The following HS6ST3 variants were observed in gnomAD, a reference collection of about 807,000 sequenced individuals.
The protein encoded by HS6ST3 is heparan-sulfate 6-O-sulfotransferase 3.
HS6ST3 carries 12 observed loss-of-function variants against 36.7 expected under a neutral mutation model. That is an observed-to-expected ratio of 0.33 (90% CI 0.21 to 0.53). HS6ST3 has a LOEUF of 0.53. HS6ST3 is among the 20% of genes least tolerant of loss of function. The pLI, the probability that HS6ST3 is intolerant of heterozygous loss-of-function variation, is 0.95. For synonymous variants in HS6ST3, 240 were observed against 257.5 expected, an observed-to-expected ratio of 0.93 and a Z score of 0.65; for missense variants, 584 against 640.9, an observed-to-expected ratio of 0.91 and a Z score of 0.96.
At chr13:96,577,625 T>C (rs558776098) in intron 1 of HS6ST3, among the ~76,000 whole-genome samples, 5 of 152,252 alleles carry the variant, frequency 3.3e-5, no homozygotes, top group Admixed American at 2.0e-4. Context: ...ATACAGTATC[T>C]ACAAGGAACT....
intron 1 of HS6ST3, among the ~76,000 whole-genome samples, chr13:96,435,351 T>A (rs2055636382): frequency 6.6e-6 from 1 of 152,186 alleles, no homozygotes; most frequent in Non-Finnish European, 1.5e-5. Context: ...TCTGTATGTA[T>A]TTTTTTCATG....
intron 1 of HS6ST3, among the ~76,000 whole-genome samples, chr13:96,682,704 A>G (rs1257203198): frequency 6.6e-6 from 1 of 152,100 alleles, no homozygotes. Context: ...AAAGGCCAGT[A>G]AGGAAAGAAG....
intron 1 of HS6ST3, among the ~76,000 whole-genome samples, chr13:96,560,886 G>T (rs1461686310): frequency 6.6e-6 from 1 of 152,072 alleles, no homozygotes; most frequent in East Asian, 1.9e-4. Context: ...AGAAATCATA[G>T]ATTACCCAAA....
At chr13:96,096,264 A>G (rs2053790373) in intron 1 of HS6ST3, among the ~76,000 whole-genome samples, 1 of 152,196 alleles carries the variant, frequency 6.6e-6, no homozygotes, top group Admixed American at 6.5e-5. Flanking sequence ...AACTAGGATA[A>G]GAACTGATGG....
At chr13:96,122,695 A>G (rs553445064) in intron 1 of HS6ST3, among the ~76,000 whole-genome samples, 3 of 152,196 alleles carry the variant, frequency 2.0e-5, no homozygotes, top group Admixed American at 6.5e-5. Flanking sequence ...GACAACCTGA[A>G]TGCTGGGTTA....
chr13:96,375,131 C>T (rs1009413424), intron 1 of HS6ST3, among the ~76,000 whole-genome samples: 1 of 152,120 alleles, frequency 6.6e-6, no homozygotes, highest in African/African-American at 2.4e-5. Flanking sequence ...TCCCTCTGCT[C>T]AGCACACCTT....
intron 1 of HS6ST3, among the ~76,000 whole-genome samples, chr13:96,699,706 T>C (rs989777584): frequency 4.6e-5 from 7 of 152,212 alleles, no homozygotes; most frequent in African/African-American, 1.2e-4. Context: ...GGATCTAGAA[T>C]TAGAAATACC....
At chr13:96,562,295 G>GT (rs1287162833) in intron 1 of HS6ST3, among the ~76,000 whole-genome samples, 1 of 152,096 alleles carries the variant, frequency 6.6e-6, no homozygotes, top group Non-Finnish European at 1.5e-5. Context: ...AATACTTCAT[G>GT]TTCTCACTTA....
At chr13:96,409,122 G>C (rs372101476) in intron 1 of HS6ST3, among the ~76,000 whole-genome samples, 23 of 151,834 alleles carry the variant, frequency 1.5e-4, no homozygotes, top group East Asian at 1.0e-3. Context: ...TATTTGGCTG[G>C]ATATTGAAAG....
intron 1 of HS6ST3, among the ~76,000 whole-genome samples, chr13:96,831,483 A>C (rs1183096400): frequency 6.6e-6 from 1 of 152,164 alleles, no homozygotes; most frequent in African/African-American, 2.4e-5. Context: ...TTTATTTTAA[A>C]AAGTAACAAT....
At chr13:96,406,445 A>G (rs2055478769) in intron 1 of HS6ST3, among the ~76,000 whole-genome samples, 1 of 152,202 alleles carries the variant, frequency 6.6e-6, no homozygotes, top group African/African-American at 2.4e-5. Context: ...AGTGCTATTC[A>G]TTAGCTATAA....
chr13:96,740,345 T>C (rs1434516513), intron 1 of HS6ST3, among the ~76,000 whole-genome samples: 1 of 152,074 alleles, frequency 6.6e-6, no homozygotes, highest in African/African-American at 2.4e-5. Flanking sequence ...ACACAAAGGC[T>C]CCTCTCTGGA....
chr13:96,371,114 G>T (rs535739444), intron 1 of HS6ST3, among the ~76,000 whole-genome samples: 1 of 152,154 alleles, frequency 6.6e-6, no homozygotes, highest in South Asian at 2.1e-4. Flanking sequence ...AATTCAATTT[G>T]TGTGAACATG....
chr13:96,290,383 T>C (rs1375460111), intron 1 of HS6ST3, among the ~76,000 whole-genome samples: 1 of 152,064 alleles, frequency 6.6e-6, no homozygotes, highest in African/African-American at 2.4e-5. Flanking sequence ...TTGTATTCGG[T>C]ACAATTGCAG....
chr13:96,095,585 C>T (rs1171529777), intron 1 of HS6ST3, among the ~76,000 whole-genome samples: 1 of 152,162 alleles, frequency 6.6e-6, no homozygotes, highest in Non-Finnish European at 1.5e-5. Flanking sequence ...ATGACTGGAA[C>T]TGGAGATTTG....
chr13:96,518,456 C>T (rs905145380), intron 1 of HS6ST3, among the ~76,000 whole-genome samples: 1 of 152,044 alleles, frequency 6.6e-6, no homozygotes, highest in Non-Finnish European at 1.5e-5. Flanking sequence ...AAATTGCTTA[C>T]AAACAATATC....
At chr13:96,472,560 T>G (rs9516712) in intron 1 of HS6ST3, among the ~76,000 whole-genome samples, 46,891 of 152,088 alleles carry the variant, frequency 0.31, 8,461 homozygotes, top group African/African-American at 0.47. Context: ...CTTCTTGGCA[T>G]CTTGTGCTTG....
intron 1 of HS6ST3, among the ~76,000 whole-genome samples, chr13:96,324,399 TG>T (rs1318333612): frequency 6.6e-6 from 1 of 152,142 alleles, no homozygotes; most frequent in African/African-American, 2.4e-5. Context: ...AGTGATATGG[TG>T]TGGAATCTGC....
At chr13:96,413,024 C>A (rs1054192937) in intron 1 of HS6ST3, among the ~76,000 whole-genome samples, 2 of 152,094 alleles carry the variant, frequency 1.3e-5, no homozygotes, top group African/African-American at 2.4e-5. Flanking sequence ...TACTTTCTAT[C>A]TACTCCCAAG....
Sources: allele counts gnomAD v4.1 joint callset (sites outside exome capture counted in the v4.1 genomes callset), GRCh38; gene constraint gnomAD v4.1.1; transcripts MANE v1.5; gene names NCBI Gene and HGNC (gene_info 2026-07-23, HGNC 2026-07-21).